Variants in TOM1L2 observed in about 807,000 individuals in gnomAD.
TOM1L2 encodes the protein TOM1-like protein 2.
Under a neutral mutation model 67.9 loss-of-function variants are expected in TOM1L2, and 31 were observed. The observed-to-expected ratio is 0.46, with a 90% CI of 0.34 to 0.62. TOM1L2 has a LOEUF of 0.62. Ranked by LOEUF, TOM1L2 falls within the 20% of genes least tolerant of loss-of-function variation. The pLI is 0.01. For synonymous variants in TOM1L2, 256 were observed against 254.0 expected (o/e 1.01, Z -0.07); for missense variants, 606 against 663.5 (o/e 0.91, Z 0.95).
chr17:17,865,136 A>G (rs1047018845), intron 10 of TOM1L2, among the ~76,000 whole-genome samples: 2 of 152,228 alleles, frequency 1.3e-5, no homozygotes, highest in African/African-American at 2.4e-5. Flanking sequence ...TGTACAAACT[A>G]AATGAACTGT....
chr17:17,862,847 G>A lies in TOM1L2; in HGVS notation c.1086C>T (p.Asp362=), dbSNP rs776078170. The A allele has an allele frequency of 8.7e-6, 14 of 1,613,346 alleles. No individual in the cohort carries two copies. Among genetic ancestry groups the A allele is most frequent in the Middle Eastern group, 3.3e-4 (2 of 6,058 alleles). The part of the protein sequence containing the change: ...SSLSSQLAGL[D]LGTESVSGTL... ...TGCCACTGACGCTCTCTGTCCCCAAGTCTGTGGCAACAAAACAAATGGGTG... is the reference window on the plus strand; with the variant it reads ...TGCCACTGACGCTCTCTGTCCCCAAATCTGTGGCAACAAAACAAATGGGTG... Residue 362 remains aspartate, a splice_region_variant and synonymous_variant, in exon 11 of 15, where the codon GAC becomes GAT. Transcript: ENST00000379504.
chr17:17,945,344 A>AAT (rs1386195058), intron 1 of TOM1L2, among the ~76,000 whole-genome samples: 1 of 151,960 alleles, frequency 6.6e-6, no homozygotes. Context: ...TTACATTAAA[A>AAT]ATATATATAT....
At chr17:17,957,957 G>C (rs902295524) in intron 1 of TOM1L2, among the ~76,000 whole-genome samples, 1 of 152,076 alleles carries the variant, frequency 6.6e-6, no homozygotes, top group Non-Finnish European at 1.5e-5. Context: ...GGGCGTGGTG[G>C]TGGGCGCCTG....
chr17:17,869,567 C>A, intron 7 of TOM1L2, 94 bp from the exon 8 acceptor site: 1 of 1,466,350 alleles, frequency 6.8e-7, no homozygotes, highest in Non-Finnish European at 9.0e-7. Flanking sequence ...TCTTAAAAGT[C>A]ACAAAAGGAG....
intron 1 of TOM1L2, among the ~76,000 whole-genome samples, chr17:17,954,828 CAAACACATGCT>C (rs2041360511): frequency 6.6e-6 from 1 of 152,184 alleles, no homozygotes; most frequent in South Asian, 2.1e-4. Context: ...AAACTAAGAG[CAAACACATGCT>C]AAACACATTA....
At chr17:17,851,869 G>A (rs1292066959) in intron 12 of TOM1L2, among the ~76,000 whole-genome samples, 1 of 152,190 alleles carries the variant, frequency 6.6e-6, no homozygotes, top group African/African-American at 2.4e-5. Flanking sequence ...CAGTCACCTT[G>A]CTTGGGCCCC....
At chr17:17,908,600 A>T (rs1382559667) in intron 1 of TOM1L2, among the ~76,000 whole-genome samples, 1 of 152,238 alleles carries the variant, frequency 6.6e-6, no homozygotes, top group African/African-American at 2.4e-5. Context: ...AAAAAAACCC[A>T]AACTATCCAA....
chr17:17,929,592 T>C (rs1290613414), intron 1 of TOM1L2, among the ~76,000 whole-genome samples: 2 of 152,004 alleles, frequency 1.3e-5, no homozygotes, highest in Admixed American at 1.3e-4. Flanking sequence ...GATCGCACCA[T>C]TGTACTCCAG....
intron 1 of TOM1L2, among the ~76,000 whole-genome samples, chr17:17,964,048 G>T (rs1212710970): frequency 6.6e-6 from 1 of 152,198 alleles, no homozygotes; most frequent in Non-Finnish European, 1.5e-5. Context: ...GGTCTAGGAA[G>T]GCTGCCTGTA....
At chr17:17,917,021 G>A (rs1245998435) in intron 1 of TOM1L2, among the ~76,000 whole-genome samples, 3 of 152,044 alleles carry the variant, frequency 2.0e-5, no homozygotes, top group East Asian at 3.9e-4. Flanking sequence ...TTAGCTGGGC[G>A]CAGGGGCACA....
chr17:17,850,837 A>C, intron 13 of TOM1L2, 56 bp downstream of exon 13: 1 of 1,593,058 alleles, frequency 6.3e-7, no homozygotes, highest in East Asian at 2.2e-5. Flanking sequence ...GCCTGTCCTC[A>C]GAAGAGCCTC....
chr17:17,963,517 G>C (rs1215460975), intron 1 of TOM1L2, among the ~76,000 whole-genome samples: 1 of 152,170 alleles, frequency 6.6e-6, no homozygotes, highest in East Asian at 1.9e-4. Context: ...ACCCCTTTAA[G>C]TCTCTATTTC....
At chr17:17,950,793 TG>T in intron 1 of TOM1L2, among the ~76,000 whole-genome samples, 1 of 152,338 alleles carries the variant, frequency 6.6e-6, no homozygotes, top group South Asian at 2.1e-4. Context: ...ACAGAAAATC[TG>T]TGACAGCATA....
chr17:17,946,613 G>A (rs963205764), intron 1 of TOM1L2, among the ~76,000 whole-genome samples: 3 of 152,116 alleles, frequency 2.0e-5, no homozygotes, highest in Non-Finnish European at 4.4e-5. Flanking sequence ...AGTTAAGTCT[G>A]TTTTTTGCTA....
intron 4 of TOM1L2, 129 bp downstream of exon 4, chr17:17,893,532 C>T: frequency 1.1e-6 from 1 of 938,516 alleles, no homozygotes; most frequent in Non-Finnish European, 1.6e-6. Context: ...AAGTATTTTG[C>T]ACCAAATATT....
chr17:17,869,494 T>C (rs751366095), intron 7 of TOM1L2, 21 bp from the exon 8 acceptor site: 2 of 1,577,108 alleles, frequency 1.3e-6, no homozygotes, highest in African/African-American at 2.7e-5. Flanking sequence ...CATGCACCTC[T>C]GGGTAGCCTG....
At chr17:17,897,922 C>CTTTT (rs35600233) in intron 3 of TOM1L2, among the ~76,000 whole-genome samples, 6 of 133,644 alleles carry the variant, frequency 4.5e-5, no homozygotes, top group Non-Finnish European at 8.1e-5. Context: ...TGGAAGTTAA[C>CTTTT]TTTTTTTTTT....
At chr17:17,850,812 T>C in intron 13 of TOM1L2, 81 bp downstream of exon 13, 1 of 1,478,690 alleles carries the variant, frequency 6.8e-7, no homozygotes, top group South Asian at 1.1e-5. Flanking sequence ...GAGCCCCTGC[T>C]GATGCTCCCC....
intron 7 of TOM1L2, among the ~76,000 whole-genome samples, chr17:17,877,822 C>T (rs1272783001): frequency 6.6e-6 from 1 of 151,806 alleles, no homozygotes; most frequent in East Asian, 1.9e-4. Context: ...TTTTTGAAAG[C>T]TGTGAGCTGA....
Sources: gnomAD v4.1 joint callset for allele counts (sites outside exome capture counted in the v4.1 genomes callset) on GRCh38, gnomAD v4.1.1 for gene constraint, MANE v1.5 for transcripts, NCBI Gene and HGNC (gene_info 2026-07-23, HGNC 2026-07-21) for gene names.